Variants in KIRREL1 observed in about 807,000 individuals in gnomAD.
KIRREL1 encodes the protein kin of IRRE-like protein 1.
KIRREL1 carries 25 observed loss-of-function variants against 83.3 expected under a neutral mutation model. The observed-to-expected ratio is 0.30, with a 90% CI of 0.22 to 0.42. The LOEUF (loss-of-function observed/expected upper bound fraction) is 0.42. Ranked by LOEUF, KIRREL1 falls within the 10% of genes least tolerant of loss-of-function variation. KIRREL1 has a pLI of 1.00. For missense variants in KIRREL1, 812 were observed against 1,032.3 expected (o/e 0.79, Z 2.92); for synonymous variants, 388 against 410.4 (o/e 0.95, Z 0.66).
chr1:158,097,151 GAT>G lies in KIRREL1; in HGVS notation c.*2033_*2034del, dbSNP rs1021297383. ...CAGCTGTATTCCATCCCTGGAAGCT[GAT>G]ACCTTTCTATAGAGTCCTTTTATGA... is the stretch of plus-strand genomic sequence containing the variant. On this transcript the variant is annotated 3_prime_UTR_variant, in exon 15 of 15. Transcript: ENST00000359209. The G allele has an allele frequency of 2.2e-6, 1 of 447,276 alleles. No individual in the cohort carries two copies. The highest frequency in any genetic ancestry group is 4.5e-6 in the Non-Finnish European group (1 of 222,874). 27.7% of individuals were successfully genotyped at this position (447,276 alleles called of 1,614,324 possible). A position where few individuals can be genotyped will look rare whatever the true frequency, so the allele number is the denominator to read the frequency against.
chr1:158,004,039 C>T (rs1659447096), intron 1 of KIRREL1, among the ~76,000 whole-genome samples: 1 of 152,300 alleles, frequency 6.6e-6, no homozygotes, highest in South Asian at 2.1e-4. Flanking sequence ...GTGACCTCCT[C>T]ACCAGGGGGC....
At chr1:158,030,363 C>A (rs775685402) in intron 1 of KIRREL1, among the ~76,000 whole-genome samples, 163 of 152,210 alleles carry the variant, frequency 1.1e-3, no homozygotes, top group Non-Finnish European at 1.9e-3. Context: ...TTCTCAAACA[C>A]TAGAATTTCA....
At chr1:158,032,467 A>C (rs1429355696) in intron 1 of KIRREL1, among the ~76,000 whole-genome samples, 1 of 152,224 alleles carries the variant, frequency 6.6e-6, no homozygotes, top group Non-Finnish European at 1.5e-5. Flanking sequence ...CTTCTGTGCA[A>C]ATAAATGGGC....
At chr1:158,069,756 C>G (rs1661459324) in intron 1 of KIRREL1, among the ~76,000 whole-genome samples, 1 of 152,220 alleles carries the variant, frequency 6.6e-6, no homozygotes, top group South Asian at 2.1e-4. Context: ...CCGATACTTA[C>G]CAGCTGTGTG....
At chr1:158,018,410 C>T (rs546151403) in intron 1 of KIRREL1, among the ~76,000 whole-genome samples, 319 of 152,148 alleles carry the variant, frequency 2.1e-3, no homozygotes, top group Non-Finnish European at 3.4e-3. Flanking sequence ...GGTGAAGCCC[C>T]GGGAGAGACC....
At chr1:158,037,775 T>A (rs1036336111) in intron 1 of KIRREL1, among the ~76,000 whole-genome samples, 2 of 152,086 alleles carry the variant, frequency 1.3e-5, no homozygotes. Flanking sequence ...CACTTTGGGG[T>A]TTCCAGGTAG....
chr1:158,046,651 A>G (rs1660786518), intron 1 of KIRREL1, among the ~76,000 whole-genome samples: 1 of 152,060 alleles, frequency 6.6e-6, no homozygotes. Flanking sequence ...AGGAAACCCA[A>G]AAGACTGTGG....
intron 1 of KIRREL1, among the ~76,000 whole-genome samples, chr1:158,032,212 T>G (rs12134949): frequency 0.085 from 12,880 of 152,148 alleles, 631 homozygotes; most frequent in South Asian, 0.2. Context: ...GGAAACTAGA[T>G]CAGGGTTGAG....
chr1:158,028,971 C>A (rs969358548), intron 1 of KIRREL1, among the ~76,000 whole-genome samples: 33 of 152,124 alleles, frequency 2.2e-4, no homozygotes, highest in Non-Finnish European at 8.8e-5. Context: ...AATAAATGAC[C>A]TTTATCTTTG....
chr1:158,031,269 A>G (rs1486645609), intron 1 of KIRREL1: 1 of 152,168 alleles, frequency 6.6e-6, no homozygotes, highest in Non-Finnish European at 1.5e-5. Context: ...ATAACTAGGA[A>G]GGCTGCCTTT....
intron 2 of KIRREL1, among the ~76,000 whole-genome samples, chr1:158,077,416 G>A (rs1400113545): frequency 2.6e-5 from 4 of 152,194 alleles, no homozygotes; most frequent in South Asian, 2.1e-4. Flanking sequence ...AGCAAGAAGC[G>A]GGTGGGGGAG....
At chr1:158,007,476 G>C (rs1490823878) in intron 1 of KIRREL1, among the ~76,000 whole-genome samples, 1 of 152,168 alleles carries the variant, frequency 6.6e-6, no homozygotes, top group Non-Finnish European at 1.5e-5. Flanking sequence ...GAGGCTGAGA[G>C]CTGCGGTATG....
chr1:158,002,968 G>A (rs148747837), intron 1 of KIRREL1, among the ~76,000 whole-genome samples: 47 of 152,170 alleles, frequency 3.1e-4, no homozygotes, highest in African/African-American at 9.4e-4. Flanking sequence ...CCCCCAAATC[G>A]AATCTCCCAA....
Position 158,049,201 on chromosome 1 carries a change from G to A in KIRREL1, c.53-26912G>A, listed in dbSNP as rs569575937. Among the ~76,000 whole-genome samples the A allele has an allele frequency of 2.0e-5, 3 of 152,314 alleles. No homozygotes were observed. The South Asian group carries it at 6.2e-4, about 32-fold the overall frequency. ...TGTTTACTAGGAGCCAGACATCCTT[G>A]GTCAGTATAAAAATGAATTTAAAAA... On this transcript the variant is annotated intron_variant, in intron 1 of 14. Transcript: ENST00000359209.
intron 1 of KIRREL1, among the ~76,000 whole-genome samples, chr1:158,050,220 G>A (rs1369525905): frequency 1.3e-5 from 2 of 151,994 alleles, no homozygotes; most frequent in South Asian, 2.1e-4. Context: ...GCCTCACCCC[G>A]ACAGCCTCCT....
rs994404698 is a variant in KIRREL1, at chr1:158,038,125, C to A, written c.53-37988C>A. ...TGCCTGGCTGATGAGGGAGGAAGGC[C>A]AGCTATTTCTTCCTGCTGGAGGAAT... On this transcript the variant is annotated intron_variant, in intron 1 of 14. Coordinates refer to ENST00000359209, the MANE Select transcript of KIRREL1 (RefSeq NM_018240.7). Among the ~76,000 whole-genome samples, 3 of 152,220 alleles carry A rather than the reference C, an allele frequency of 2.0e-5. No homozygotes were observed. In the East Asian group the frequency reaches 5.8e-4, roughly 29 times the overall value.
intron 1 of KIRREL1, among the ~76,000 whole-genome samples, chr1:158,047,562 T>C (rs776812928): frequency 2.6e-5 from 4 of 152,200 alleles, no homozygotes; most frequent in Non-Finnish European, 4.4e-5. Flanking sequence ...GCAGCCTTCA[T>C]AAAAATGATA....
intron 1 of KIRREL1, among the ~76,000 whole-genome samples, chr1:158,005,061 T>G (rs1659477387): frequency 6.6e-6 from 1 of 152,226 alleles, no homozygotes; most frequent in Non-Finnish European, 1.5e-5. Flanking sequence ...CTTGTTAAAA[T>G]GCAGATTCTG....
At position 158,014,680 on chromosome 1, in the gene KIRREL1, T is replaced by TG. The variant is rs5778063; in HGVS notation, c.52+20965dup. On this transcript the variant is annotated intron_variant, in intron 1 of 14. Transcript: ENST00000359209. ...ACTATTAAGAGAAATATAGTCTTTA[T>TG]GGGGGGGGGGGGGCGGGGGGAAGGA... Among the ~76,000 whole-genome samples the TG allele has an allele frequency of 4.1e-3, 379 of 91,770 alleles. 11 individuals carry two copies. Among genetic ancestry groups the TG allele is most frequent in the South Asian group, 0.014 (24 of 1,750 alleles). The allele number at this position is 91,770 out of a possible 152,430, so 60.2% of individuals were successfully genotyped here.
Sources: gnomAD v4.1 joint callset for allele counts (sites outside exome capture counted in the v4.1 genomes callset) on GRCh38, gnomAD v4.1.1 for gene constraint, MANE v1.5 for transcripts, NCBI Gene and HGNC (gene_info 2026-07-23, HGNC 2026-07-21) for gene names.